NKX6-3: variants seen among roughly 807,000 people sequenced by gnomAD.
NKX6-3 encodes homeobox protein Nkx-6.3.
Under a neutral mutation model 22.0 loss-of-function variants are expected in NKX6-3, and 17 were observed. The ratio of observed to expected loss-of-function variants is 0.77; its 90% CI spans 0.53 to 1.16. The LOEUF is 1.16. NKX6-3 is among the 50% of genes most tolerant of loss of function. The probability of loss-of-function intolerance (pLI) is 0.00; values close to 1 mark genes in which losing one functional copy is unlikely to be tolerated. For missense variants in NKX6-3, 363 were observed against 359.0 expected, an observed-to-expected ratio of 1.01 and a Z score of -0.09; for synonymous variants, 177 against 167.2, an observed-to-expected ratio of 1.06 and a Z score of -0.45.
Position 41,646,391 on chromosome 8 carries a change from G to C in NKX6-3, c.*58C>G. ...GCGTGGGGAAGGGGAGGGGAAGGTA[G>C]GCTCCTCGGCGTCCCCCCGCAGGCT... On this transcript the variant is annotated 3_prime_UTR_variant, in exon 3 of 3. Transcript: ENST00000518699. The C allele has an allele frequency of 4.6e-6, 7 of 1,535,838 alleles. No homozygotes were observed. The highest frequency in any genetic ancestry group is 6.1e-6 in the Non-Finnish European group (7 of 1,146,784).
In NKX6-3 at chr8:41,646,494, G is replaced by T; in HGVS notation, c.753C>A (p.His251Gln). The change falls in exon 3 of 3, where the codon CAC becomes CAA. Residue 251 changes from histidine (H) to glutamine (Q), a missense_variant. By Grantham distance (24) the His-to-Gln change is conservative (BLOSUM62 0). Coordinates refer to ENST00000518699, the MANE Select transcript of NKX6-3 (RefSeq NM_001364841.2). ...GGCTGAGCACCGAGAAGGCGGCGCG[G>T]TGCTTGCGCAGCAGCAGGCGGATCT... ...DEKIRLLLRK[H>Q]RAAFSVLSLG... 3 of 1,610,344 alleles carry T rather than the reference G, an allele frequency of 1.9e-6. No homozygotes were observed. The highest frequency in any genetic ancestry group is 1.7e-6 in the Non-Finnish European group (2 of 1,178,776).
rs905676925 is a variant in NKX6-3, at chr8:41,650,475, C to G, written c.18G>C (p.Gln6His). ...GCGTGTTGTTCAGCAGGAACGTCCC[C>G]TGCAGGTTGGACTCCATGATCTCCC... MESNLQGTFLLNNTPL... is the reference protein window; with the variant it reads MESNLHGTFLLNNTPL... Residue 6 changes from glutamine to histidine, a missense_variant, in exon 1 of 3, where the codon CAG becomes CAC. Transcript: ENST00000518699. 2.0e-6 allele frequency: 3 copies of G among 1,535,468 alleles called. No individual in the cohort carries two copies. In the African/African-American group the frequency reaches 4.1e-5, roughly 21 times the overall value.
Position 41,650,682 on chromosome 8 carries a change from T to C in NKX6-3, c.-190A>G. 1.7e-6 allele frequency: 1 copy of C among 605,290 alleles called. No individual in the cohort carries two copies. The highest frequency in any genetic ancestry group is 2.8e-6 in the Non-Finnish European group (1 of 351,270). 37.5% of individuals were successfully genotyped at this position (605,290 alleles called of 1,614,324 possible). A position where few individuals can be genotyped will look rare whatever the true frequency, so the allele number is the denominator to read the frequency against. ...CCCGATCAGCTGCTCGGAAGTCAGG[T>C]GCTCGGGGCAGGTGGGAGGCCTCCC... On this transcript the variant is annotated 5_prime_UTR_variant, in exon 1 of 3. Transcript: ENST00000518699.
chr8:41,649,240 G>T (rs1469784505), intron 1 of NKX6-3, among the ~76,000 whole-genome samples: 2 of 152,190 alleles, frequency 1.3e-5, no homozygotes, highest in African/African-American at 4.8e-5. Flanking sequence ...GCAAATGGGG[G>T]GACAGGTGTG....
rs1019884280 is a variant in NKX6-3, at chr8:41,650,759, G to A, written c.-267C>T. On this transcript the variant is annotated 5_prime_UTR_variant, in exon 1 of 3. Transcript: ENST00000518699. ...CTGGCCGGACAGGGTGGCCCCCTAA[G>A]CCTCAGCTCAGACCCCCTTTCTGCC... is the stretch of plus-strand genomic sequence containing the variant. 4 of 442,196 alleles carry A rather than the reference G, an allele frequency of 9.0e-6. No individual in the cohort carries two copies. The highest frequency in any genetic ancestry group is 2.0e-5 in the African/African-American group (1 of 48,998). The allele number at this position is 442,196 out of a possible 1,614,324, so 27.4% of individuals were successfully genotyped here.
chr8:41,650,593 G>A lies in NKX6-3; in HGVS notation c.-101C>T, dbSNP rs1242870206. On this transcript the variant is annotated 5_prime_UTR_variant, in exon 1 of 3. It adds an upstream start codon to the 5' untranslated region. Coordinates refer to ENST00000518699, the MANE Select transcript of NKX6-3 (RefSeq NM_001364841.2). ...ATGGCAGGCCTGGAGGCTTAGGACC[G>A]TCTCCGAGCTCCTGACTGCCTCCCA... is the stretch of plus-strand genomic sequence containing the variant. 7.4e-6 allele frequency: 9 copies of A among 1,220,054 alleles called. No individual in the cohort carries two copies. The highest frequency in any genetic ancestry group is 5.2e-5 in the Admixed American group (2 of 38,480). The allele number at this position is 1,220,054 out of a possible 1,614,324, so 75.6% of individuals were successfully genotyped here. A position where few individuals can be genotyped will look rare whatever the true frequency, so the allele number is the denominator to read the frequency against.
intron 2 of NKX6-3, 66 bp from the exon 3 acceptor site, chr8:41,646,760 C>T: frequency 2.0e-6 from 3 of 1,506,192 alleles, no homozygotes; most frequent in Non-Finnish European, 8.8e-7. Context: ...AACAGCCATC[C>T]TGCTTTTACA....
At chr8:41,649,656 C>T (rs1014765487) in intron 1 of NKX6-3, among the ~76,000 whole-genome samples, 1 of 152,186 alleles carries the variant, frequency 6.6e-6, no homozygotes, top group Non-Finnish European at 1.5e-5. Flanking sequence ...GGTCAGGGTG[C>T]GTTCTGCACC....
chr8:41,646,136 ATCTG>A lies in NKX6-3; in HGVS notation c.*309_*312del. ...ATTTTAGTCCTCTGTCCACTTGTGA[ATCTG>A]CAGAACTGGCAGGCGAGGCCCGAGG... On this transcript the variant is annotated 3_prime_UTR_variant, in exon 3 of 3. Coordinates refer to ENST00000518699, the MANE Select transcript of NKX6-3 (RefSeq NM_001364841.2). 2 of 480,828 alleles carry A rather than the reference ATCTG, an allele frequency of 4.2e-6. No homozygotes were observed. The highest frequency in any genetic ancestry group is 7.4e-6 in the Non-Finnish European group (2 of 271,530). 29.8% of individuals were successfully genotyped at this position (480,828 alleles called of 1,614,324 possible). A position where few individuals can be genotyped will look rare whatever the true frequency, so the allele number is the denominator to read the frequency against.
At chr8:41,647,917 C>T in intron 2 of NKX6-3, 149 bp downstream of exon 2, 1 of 668,268 alleles carries the variant, frequency 1.5e-6, no homozygotes, top group Admixed American at 3.1e-5. Context: ...ACCACAGGCT[C>T]CAGGGTTAGG....
At chr8:41,647,783 A>C (rs542931857) in intron 2 of NKX6-3, among the ~76,000 whole-genome samples, 5 of 152,070 alleles carry the variant, frequency 3.3e-5, no homozygotes, top group Admixed American at 6.5e-5. Context: ...CAGCCGGGAG[A>C]CACTGATCTT....
rs1451709679 is a variant in NKX6-3 at position 41,646,514 on chromosome 8, G to T, written c.733C>A (p.Arg245Ser). The change falls in exon 3 of 3, where the codon CGC becomes AGC. Residue 245 changes from arginine (R) to serine (S), a missense_variant. Arg to Ser is a moderately radical substitution (Grantham distance 110). Around this residue, in one of 3 missense-constraint regions of NKX6-3, gnomAD observed 169 missense variants for 155.8 expected, o/e 1.08. Transcript: ENST00000518699. ...GCGCGGTGCTTGCGCAGCAGCAGGC[G>T]GATCTTCTCGTCGTCCGAGTCGGGG... ...LDPDSDDEKIRLLLRKHRAAF... is the reference protein window; with the variant it reads ...LDPDSDDEKISLLLRKHRAAF... 6.2e-7 allele frequency: 1 copy of T among 1,612,118 alleles called. No homozygotes were observed.
At position 41,650,517 on chromosome 8, in the gene NKX6-3, G is replaced by C; in HGVS notation, c.-25C>G. ...TGATCTCCCAGTCAGGACAGGGAAG[G>C]CTTCTCCAGGCCCCTAAAACCCAAG... is the stretch of plus-strand genomic sequence containing the variant. On this transcript the variant is annotated 5_prime_UTR_variant, in exon 1 of 3. Transcript: ENST00000518699. 2 of 1,532,414 alleles carry C rather than the reference G, an allele frequency of 1.3e-6. No homozygotes were observed. Among genetic ancestry groups the C allele is most frequent in the South Asian group, 1.2e-5 (1 of 83,206 alleles). The allele number at this position is 1,532,414 out of a possible 1,614,324, so 94.9% of individuals were successfully genotyped here.
At position 41,650,622 on chromosome 8, in the gene NKX6-3, A is replaced by C; in HGVS notation, c.-130T>G. The C allele has an allele frequency of 1.2e-5, 11 of 932,596 alleles. No individual in the cohort carries two copies. The highest frequency in any genetic ancestry group is 2.7e-5 in the East Asian group (1 of 37,298). The allele number at this position is 932,596 out of a possible 1,614,324, so 57.8% of individuals were successfully genotyped here. ...CCGAGCTCCTGACTGCCTCCCACCTAAGGCATGGGCCAGGCCCTGGCCCAG... is the reference window on the plus strand; with the variant it reads ...CCGAGCTCCTGACTGCCTCCCACCTCAGGCATGGGCCAGGCCCTGGCCCAG... On this transcript the variant is annotated 5_prime_UTR_variant, in exon 1 of 3. The change abolishes the stop of an existing upstream ORF in the 5' untranslated region. Coordinates refer to ENST00000518699, the MANE Select transcript of NKX6-3 (RefSeq NM_001364841.2).
At chr8:41,646,921 CTCTCCCTCCCCCTCCCCCT>C (rs1804218885) in intron 2 of NKX6-3, among the ~76,000 whole-genome samples, 3 of 27,388 alleles carry the variant, frequency 1.1e-4, no homozygotes, top group Non-Finnish European at 2.4e-4. Flanking sequence ...CCTCCTCCCC[CTCTCCCTCCCCCTCCCCCT>C]CCCCTCCCCC....
At chr8:41,649,652 G>T (rs762469693) in intron 1 of NKX6-3, among the ~76,000 whole-genome samples, 13 of 152,214 alleles carry the variant, frequency 8.5e-5, no homozygotes, top group Non-Finnish European at 1.8e-4. Context: ...ATGGGGTCAG[G>T]GTGCGTTCTG....
rs957347546 is a variant in NKX6-3 at position 41,646,469 on chromosome 8, G to A, written c.778C>T (p.Leu260=). 6.2e-7 allele frequency: 1 copy of A among 1,604,500 alleles called. No homozygotes were observed. The highest frequency in any genetic ancestry group is 1.3e-5 in the African/African-American group (1 of 74,970). ...KHRAAFSVLS[L]GAHSV Reference sequence around the variant, plus strand: ...GGGCGTCAGACGCTGTGCGCTCCCAGGCTGAGCACCGAGAAGGCGGCGCGG... The same window carrying A: ...GGGCGTCAGACGCTGTGCGCTCCCAAGCTGAGCACCGAGAAGGCGGCGCGG... The change falls in exon 3 of 3, where the codon CTG becomes TTG. Residue 260 remains leucine, a synonymous_variant. Transcript: ENST00000518699.
chr8:41,646,402 G>A lies in NKX6-3; in HGVS notation c.*47C>T, dbSNP rs1190134620. The A allele has an allele frequency of 1.3e-6, 2 of 1,546,172 alleles. No individual in the cohort carries two copies. Among genetic ancestry groups the A allele is most frequent in the Non-Finnish European group, 8.7e-7 (1 of 1,151,552 alleles). On this transcript the variant is annotated 3_prime_UTR_variant, in exon 3 of 3. Transcript: ENST00000518699. ...GGGAGGGGAAGGTAGGCTCCTCGGC[G>A]TCCCCCCGCAGGCTGCAGCCAGGAT...
At position 41,646,306 on chromosome 8, in the gene NKX6-3, G is replaced by A. The variant is rs867632987; in HGVS notation, c.*143C>T. 2.2e-5 allele frequency: 25 copies of A among 1,115,426 alleles called. No homozygotes were observed. Among genetic ancestry groups the A allele is most frequent in the Non-Finnish European group, 2.9e-5 (23 of 799,562 alleles). The allele number at this position is 1,115,426 out of a possible 1,614,324, so 69.1% of individuals were successfully genotyped here. A position where few individuals can be genotyped will look rare whatever the true frequency, so the allele number is the denominator to read the frequency against. ...CCTCCCCTCCTCCTCCCCTGCACCT[G>A]CTGCTCCTCCTCCACGCGCCCCTCA... is the stretch of plus-strand genomic sequence containing the variant. On this transcript the variant is annotated 3_prime_UTR_variant, in exon 3 of 3. Coordinates refer to ENST00000518699, the MANE Select transcript of NKX6-3 (RefSeq NM_001364841.2).
Sources: gnomAD v4.1 joint callset for allele counts (sites outside exome capture counted in the v4.1 genomes callset) on GRCh38, gnomAD v4.1.1 for gene constraint, gnomAD v4.1.1 regional missense constraint, MANE v1.5 for transcripts, NCBI Gene and HGNC (gene_info 2026-07-23, HGNC 2026-07-21) for gene names.